Variants in PSPC1 observed in about 807,000 individuals in gnomAD.
The protein encoded by PSPC1 is paraspeckle component 1.
In PSPC1, 14 loss-of-function variants were observed where a neutral mutation model predicts 51.6. That is an observed-to-expected ratio of 0.27 (90% confidence interval 0.18 to 0.42). PSPC1 has a LOEUF of 0.42. PSPC1 is among the 10% of genes least tolerant of loss of function. The probability of loss-of-function intolerance (pLI) is 1.00; values close to 1 mark genes in which losing one functional copy is unlikely to be tolerated. For missense variants in PSPC1, 406 were observed against 701.1 expected (o/e 0.58, Z 4.75); for synonymous variants, 193 against 231.9 (o/e 0.83, Z 1.53).
rs374182985 is a variant in PSPC1, at chr13:19,768,661, G to GA, written c.674+3580dup. 5.3e-3 allele frequency among the ~76,000 whole-genome samples: 767 copies of GA among 143,764 alleles called. 44 individuals are homozygous for GA. The highest frequency in any genetic ancestry group is 0.018 in the African/African-American group (714 of 38,688). 94.3% of individuals were successfully genotyped at this position (143,764 alleles called of 152,430 possible). ...AGACTCTGTCTCAAATAAAAGAAAA[G>GA]AAAAAAAAATGAATAAGGGGGACAT... On this transcript the variant is annotated intron_variant, in intron 2 of 8. Transcript: ENST00000338910.
rs770760993 is a variant in PSPC1, at chr13:19,772,256, T to C, written c.660A>G (p.Ala220=). 7 of 1,612,876 alleles carry C rather than the reference T, an allele frequency of 4.3e-6. No individual in the cohort carries two copies. The African/African-American group carries it at 9.3e-5, about 22-fold the overall frequency. The change falls in exon 2 of 9, where the codon GCA becomes GCG. Residue 220 remains alanine, a synonymous_variant. Coordinates refer to ENST00000338910, the MANE Select transcript of PSPC1 (RefSeq NM_001354909.2). ...TTAAAACTTACGTTGTTAGCAAGAA[T>C]GCCCCATCACCACATCTTTCCAGAG... The part of the protein sequence containing the change: ...RKALERCGDG[A]FLLTTTPRPV...
intron 6 of PSPC1, among the ~76,000 whole-genome samples, chr13:19,695,746 C>T (rs1019919986): frequency 6.6e-6 from 1 of 151,582 alleles, no homozygotes; most frequent in Non-Finnish European, 1.5e-5. Flanking sequence ...TATTCATGTA[C>T]CAAGAATAAA....
chr13:19,722,766 C>T, intron 6 of PSPC1, among the ~76,000 whole-genome samples: 1 of 151,986 alleles, frequency 6.6e-6, no homozygotes, highest in Non-Finnish European at 1.5e-5. Flanking sequence ...TGTACTCCAG[C>T]CTGGATGACA....
At chr13:19,688,960 CTTA>C (rs772169669) in intron 6 of PSPC1, among the ~76,000 whole-genome samples, 6,016 of 142,336 alleles carry the variant, frequency 0.042, 151 homozygotes, top group African/African-American at 0.048. Flanking sequence ...GTGATAAACT[CTTA>C]AAAAAAAAAA....
downstream of PSPC1, chr13:19,672,853 G>A (rs965483851): frequency 2.4e-5 from 8 of 338,480 alleles, no homozygotes; most frequent in East Asian, 1.5e-4. Flanking sequence ...TAATCCCAGC[G>A]CTTTGGAGGC....
chr13:19,694,744 A>G (rs1879003796), intron 6 of PSPC1, among the ~76,000 whole-genome samples: 1 of 152,194 alleles, frequency 6.6e-6, no homozygotes, highest in South Asian at 2.1e-4. Context: ...AAATGCCACT[A>G]CTACTAGGAT....
intron 6 of PSPC1, among the ~76,000 whole-genome samples, chr13:19,721,900 T>A (rs1882818748): frequency 6.6e-6 from 1 of 152,230 alleles, no homozygotes; most frequent in African/African-American, 2.4e-5. Flanking sequence ...GTATCAGCAG[T>A]TGTACCTCAA....
At chr13:19,672,004 G>A, downstream of PSPC1, 1 of 858,626 alleles carries the variant, frequency 1.2e-6, no homozygotes, top group South Asian at 1.5e-5. Flanking sequence ...TAAGCCTGTT[G>A]TCTGTTGTAG....
intron 1 of PSPC1, among the ~76,000 whole-genome samples, chr13:19,776,406 G>C (rs1250975462): frequency 1.1e-4 from 17 of 152,042 alleles, no homozygotes; most frequent in African/African-American, 4.1e-4. Context: ...GTGGAGGCTA[G>C]AGTGAGCCAT....
chr13:19,676,944 A>G (rs765205599), intron 7 of PSPC1, among the ~76,000 whole-genome samples: 4 of 152,182 alleles, frequency 2.6e-5, no homozygotes, highest in African/African-American at 7.2e-5. Context: ...TTAAGATTAC[A>G]TATTTTCTGG....
intron 2 of PSPC1, among the ~76,000 whole-genome samples, chr13:19,767,674 T>A (rs936313366): frequency 9.9e-5 from 15 of 151,652 alleles, no homozygotes; most frequent in African/African-American, 3.4e-4. Flanking sequence ...AAAGGGGAAA[T>A]CATAAATTTT....
At chr13:19,708,077 G>A (rs142340952) in intron 7 of PSPC1, among the ~76,000 whole-genome samples, 2,710 of 152,194 alleles carry the variant, frequency 0.018, 82 homozygotes, top group African/African-American at 0.062. Context: ...CTTGCTTCCT[G>A]CATATATCAG....
intron 6 of PSPC1, among the ~76,000 whole-genome samples, chr13:19,697,403 C>G (rs1025164723): frequency 2.6e-5 from 4 of 152,116 alleles, no homozygotes; most frequent in African/African-American, 9.7e-5. Context: ...GTATCTTAAG[C>G]CCTAGAAAAC....
chr13:19,750,003 A>G (rs370032686), intron 4 of PSPC1, among the ~76,000 whole-genome samples: 44 of 152,324 alleles, frequency 2.9e-4, no homozygotes, highest in African/African-American at 1.1e-3. Flanking sequence ...CTCAATAAAC[A>G]TTTACTGAAT....
intron 2 of PSPC1, among the ~76,000 whole-genome samples, chr13:19,768,889 C>T (rs545488686): frequency 1.3e-5 from 2 of 150,418 alleles, no homozygotes; most frequent in Admixed American, 6.6e-5. Context: ...AATCCCAGCG[C>T]TTAGGGAAAC....
intron 7 of PSPC1, among the ~76,000 whole-genome samples, chr13:19,706,979 A>T (rs865960244): frequency 1.3e-5 from 2 of 152,302 alleles, no homozygotes; most frequent in African/African-American, 4.8e-5. Flanking sequence ...TTTAACCAAG[A>T]ATATTTCCGC....
chr13:19,751,983 A>G (rs1395384661), intron 3 of PSPC1, among the ~76,000 whole-genome samples: 1 of 152,162 alleles, frequency 6.6e-6, no homozygotes, highest in Non-Finnish European at 1.5e-5. Flanking sequence ...GCATGAACCC[A>G]GGAGGCAGAG....
intron 4 of PSPC1, among the ~76,000 whole-genome samples, 172 bp downstream of exon 4, chr13:19,751,095 GTTCT>G (rs1886503075): frequency 6.7e-6 from 1 of 148,660 alleles, no homozygotes; most frequent in Non-Finnish European, 1.5e-5. Context: ...AGTAAGTTGT[GTTCT>G]TTTTTTTAAG....
chr13:19,781,066 G>C (rs898233935), intron 1 of PSPC1, among the ~76,000 whole-genome samples: 1 of 151,750 alleles, frequency 6.6e-6, no homozygotes, highest in Admixed American at 6.6e-5. Flanking sequence ...GGGAGGCTGA[G>C]GTGGGAGAAC....
Sources: gnomAD v4.1 joint callset for allele counts (sites outside exome capture counted in the v4.1 genomes callset) on GRCh38, gnomAD v4.1.1 for gene constraint, MANE v1.5 for transcripts, NCBI Gene and HGNC (gene_info 2026-07-23, HGNC 2026-07-21) for gene names.